FAAH2: variants seen among roughly 807,000 people sequenced by gnomAD.
FAAH2 encodes the protein fatty-acid amide hydrolase 2.
FAAH2 carries 60 observed loss-of-function variants against 36.9 expected under a neutral mutation model. The ratio of observed to expected loss-of-function variants is 1.63; its 90% CI spans 1.32 to 2.02. The LOEUF (loss-of-function observed/expected upper bound fraction) is 2.02, where lower values mean the gene tolerates loss of function less well. Among genes scored for constraint, FAAH2 ranks in the 30% most tolerant of loss-of-function variants. FAAH2 has a pLI of 0.00. For missense variants in FAAH2, 689 were observed against 397.5 expected, an observed-to-expected ratio of 1.73 and a Z score of -6.23; for synonymous variants, 214 against 143.8, an observed-to-expected ratio of 1.49 and a Z score of -3.49.
At chrX:57,267,867 G>T in the FAAH2 span, among the ~76,000 whole-genome samples, 1 of 112,283 alleles carries the variant, frequency 8.9e-6, no homozygotes, top group Non-Finnish European at 1.9e-5. Flanking sequence ...CAACATCAAA[G>T]ATCAAAGGTA....
At chrX:57,366,780 G>A (rs1219807668) in intron 5 of FAAH2, among the ~76,000 whole-genome samples, 2 of 112,520 alleles carry the variant, frequency 1.8e-5, no homozygotes, top group East Asian at 2.8e-4. Context: ...GCTGTAGCTA[G>A]GCAGGACCCT....
At chrX:57,327,992 T>C (rs778283442) in intron 3 of FAAH2, among the ~76,000 whole-genome samples, 2 of 111,748 alleles carry the variant, frequency 1.8e-5, no homozygotes, top group East Asian at 5.6e-4. Flanking sequence ...TGGTCTTTGA[T>C]GATGTGATGT....
intron 3 of FAAH2, among the ~76,000 whole-genome samples, chrX:57,328,888 C>T (rs1277100969): frequency 9.0e-6 from 1 of 111,242 alleles, no homozygotes; most frequent in Non-Finnish European, 1.9e-5. Flanking sequence ...TATGAGGTCC[C>T]CACTTTCTTC....
chrX:57,210,723 G>C, the FAAH2 span, among the ~76,000 whole-genome samples: 4 of 112,218 alleles, frequency 3.6e-5, no homozygotes, highest in Non-Finnish European at 7.5e-5. Flanking sequence ...CATTTCTATT[G>C]AAGATGGTAC....
At chrX:57,456,283 A>G (rs1398270383) in intron 10 of FAAH2, among the ~76,000 whole-genome samples, 1 of 112,298 alleles carries the variant, frequency 8.9e-6, no homozygotes, top group Admixed American at 9.5e-5. Context: ...CAAATCTTTG[A>G]GATGCAGTTA....
the FAAH2 span, among the ~76,000 whole-genome samples, chrX:57,221,852 C>G: frequency 1.8e-5 from 2 of 110,158 alleles, no homozygotes; most frequent in African/African-American, 6.6e-5. Flanking sequence ...GTTTCAGAGA[C>G]AGCCCCCACT....
intron 1 of FAAH2, among the ~76,000 whole-genome samples, chrX:57,292,199 A>G (rs2052005590): frequency 9.0e-6 from 1 of 111,522 alleles, no homozygotes; most frequent in African/African-American, 3.3e-5. Flanking sequence ...CTAGTTTAGT[A>G]TATATACATA....
At chrX:57,194,414 T>G in the FAAH2 span, among the ~76,000 whole-genome samples, 14 of 111,384 alleles carry the variant, frequency 1.3e-4, no homozygotes, top group African/African-American at 4.2e-4. Flanking sequence ...TCTCTTTTTT[T>G]CTGGCTAAAA....
the FAAH2 span, among the ~76,000 whole-genome samples, chrX:57,168,672 A>G: frequency 8.9e-6 from 1 of 111,752 alleles, no homozygotes; most frequent in Non-Finnish European, 1.9e-5. Context: ...CTATGAGGAG[A>G]CAACTTCATC....
chrX:57,249,353 G>A, the FAAH2 span, among the ~76,000 whole-genome samples: 5 of 111,768 alleles, frequency 4.5e-5, no homozygotes, highest in Non-Finnish European at 9.4e-5. Flanking sequence ...CCTTGCCTGG[G>A]TTTTCTCAGA....
chrX:57,213,070 G>A, the FAAH2 span, among the ~76,000 whole-genome samples: 1 of 111,300 alleles, frequency 9.0e-6, no homozygotes, highest in Non-Finnish European at 1.9e-5. Context: ...AAAGGTTGCA[G>A]CTTCCAGGAA....
At chrX:57,129,354 A>C in the FAAH2 span, among the ~76,000 whole-genome samples, 1 of 112,195 alleles carries the variant, frequency 8.9e-6, no homozygotes, top group African/African-American at 3.2e-5. Context: ...ATGAAGTATG[A>C]ATAAAATTTG....
chrX:57,132,196 T>G, the FAAH2 span, among the ~76,000 whole-genome samples: 1 of 112,497 alleles, frequency 8.9e-6, no homozygotes, highest in Admixed American at 9.4e-5. Context: ...ATTAAATTTT[T>G]CACTAACGGT....
the FAAH2 span, among the ~76,000 whole-genome samples, chrX:57,251,661 A>C: frequency 8.9e-6 from 1 of 112,292 alleles, no homozygotes; most frequent in Non-Finnish European, 1.9e-5. Context: ...ACAAAAAATC[A>C]GTTCTCTTTC....
the FAAH2 span, among the ~76,000 whole-genome samples, chrX:57,227,725 C>T: frequency 9.0e-6 from 1 of 111,429 alleles, no homozygotes; most frequent in Non-Finnish European, 1.9e-5. Context: ...GTTATATGTC[C>T]TTTGTCTCCT....
At chrX:57,429,716 A>C (rs747811476) in intron 7 of FAAH2, among the ~76,000 whole-genome samples, 3 of 112,310 alleles carry the variant, frequency 2.7e-5, no homozygotes, top group African/African-American at 3.2e-5. Context: ...ATACAAAAGG[A>C]TATCTACACT....
chrX:57,238,943 C>T, the FAAH2 span, among the ~76,000 whole-genome samples: 121 of 111,895 alleles, frequency 1.1e-3, no homozygotes, highest in Non-Finnish European at 2.1e-3. Context: ...CAGTTGTATC[C>T]ATTTCACTGA....
Position 57,325,099 on chromosome X carries a change from A to T in FAAH2, c.413-6499A>T, listed in dbSNP as rs761846568. ...TTTTCTGCATCTATTGAGATAATCA[A>T]ATGGTTTTTGTTGTTGGTTCTGTTT... On this transcript the variant is annotated intron_variant, in intron 3 of 10. Transcript: ENST00000374900. Among the ~76,000 whole-genome samples the T allele has an allele frequency of 4.1e-3, 454 of 111,703 alleles. 1 individual carries two copies. Among genetic ancestry groups the T allele is most frequent in the Non-Finnish European group, 6.6e-3 (351 of 53,030 alleles).
intron 10 of FAAH2, among the ~76,000 whole-genome samples, chrX:57,480,472 A>C (rs1478251575): frequency 1.8e-5 from 2 of 111,650 alleles, no homozygotes; most frequent in East Asian, 5.6e-4. Context: ...TCTTTGAAAG[A>C]TTTTATTTCT....
Sources: gnomAD v4.1 joint callset for allele counts (sites outside exome capture counted in the v4.1 genomes callset) on GRCh38, gnomAD v4.1.1 for gene constraint, MANE v1.5 for transcripts, NCBI Gene and HGNC (gene_info 2026-07-23, HGNC 2026-07-21) for gene names.